The following ZDHHC3 variants were observed in gnomAD, a reference collection of about 807,000 sequenced individuals.
The protein encoded by ZDHHC3 is palmitoyltransferase ZDHHC3.
A neutral mutation model predicts 30.6 loss-of-function variants in ZDHHC3; 9 were observed. That is an observed-to-expected ratio of 0.29 (90% CI 0.18 to 0.51). The LOEUF is 0.51. Ranked by LOEUF, ZDHHC3 falls within the 20% of genes least tolerant of loss-of-function variation. The pLI is 0.97. For synonymous variants in ZDHHC3, 136 were observed against 140.2 expected (o/e 0.97, Z 0.21); for missense variants, 246 against 384.2 (o/e 0.64, Z 3.01).
intron 5 of ZDHHC3, 65 bp from the exon 6 acceptor site, chr3:44,929,501 C>A (rs1056609826): frequency 1.3e-6 from 2 of 1,588,106 alleles, no homozygotes; most frequent in African/African-American, 1.3e-5. Flanking sequence ...AGGCTCACTG[C>A]CCCACTAGGC....
In ZDHHC3 at chr3:44,960,008, C is replaced by T. The variant is rs531439970; in HGVS notation, c.-24-548G>A. 2.6e-5 allele frequency among the ~76,000 whole-genome samples: 4 copies of T among 152,326 alleles called. 1 individual carries two copies. Among genetic ancestry groups the T allele is most frequent in the African/African-American group, 4.8e-5 (2 of 41,568 alleles). Reference sequence around the variant, plus strand: ...AAACTCCTGAGCTCAAGTTATCTGCCCACCTCGGCCTCCCAAGGTGCTGGG... The same window carrying T: ...AAACTCCTGAGCTCAAGTTATCTGCTCACCTCGGCCTCCCAAGGTGCTGGG... On this transcript the variant is annotated intron_variant, in intron 1 of 6. Transcript: ENST00000424952.
At chr3:44,973,769 TATAA>T (rs1447675164) in intron 1 of ZDHHC3, among the ~76,000 whole-genome samples, 2 of 152,248 alleles carry the variant, frequency 1.3e-5, no homozygotes, top group African/African-American at 4.8e-5. Context: ...GGTTAATCTT[TATAA>T]AGTGCTTAGA....
chr3:44,926,893 G>C (rs1218515827), intron 6 of ZDHHC3, 46 bp from the exon 7 acceptor site: 3 of 1,543,762 alleles, frequency 1.9e-6, no homozygotes, highest in Middle Eastern at 1.8e-4. Context: ...CTGCATTGCT[G>C]TGGTTTCTGG....
Position 44,924,523 on chromosome 3 carries a change from G to A in ZDHHC3, c.*2166C>T. ...CCACTCTATTGGAAAGATAAGCATA[G>A]TATGCACAGCTTTAAAGGAGGAGTT... is the stretch of plus-strand genomic sequence containing the variant. On this transcript the variant is annotated 3_prime_UTR_variant, in exon 7 of 7. Transcript: ENST00000424952. The A allele has an allele frequency of 2.0e-6, 2 of 985,394 alleles. No individual in the cohort carries two copies. The highest frequency in any genetic ancestry group is 2.4e-6 in the Non-Finnish European group (2 of 829,916). The allele number at this position is 985,394 out of a possible 1,614,324, so 61.0% of individuals were successfully genotyped here.
At chr3:44,969,525 A>G (rs1325173043) in intron 1 of ZDHHC3, 1 of 152,244 alleles carries the variant, frequency 6.6e-6, no homozygotes, top group Non-Finnish European at 1.5e-5. Flanking sequence ...ACTACTTACT[A>G]CAATAATTAA....
chr3:44,967,175 G>A (rs780516066), intron 1 of ZDHHC3, among the ~76,000 whole-genome samples: 1 of 152,118 alleles, frequency 6.6e-6, no homozygotes, highest in Non-Finnish European at 1.5e-5. Context: ...GGAAGTGGTC[G>A]GTAAACCGAA....
rs1204659867 is a variant in ZDHHC3, at chr3:44,921,936, C to T, written c.*4753G>A. On this transcript the variant is annotated 3_prime_UTR_variant, in exon 7 of 7. Transcript: ENST00000424952. ...GCTTTTAGCGAACGTCCCTCTGCAG[C>T]GCTTGTCCTCACTCCTTGGATCAGC... 7 of 985,430 alleles carry T rather than the reference C, an allele frequency of 7.1e-6. No homozygotes were observed. Among genetic ancestry groups the T allele is most frequent in the Non-Finnish European group, 8.4e-6 (7 of 829,930 alleles). The allele number at this position is 985,430 out of a possible 1,614,324, so 61.0% of individuals were successfully genotyped here.
At chr3:44,940,672 C>T (rs1009646346) in intron 3 of ZDHHC3, among the ~76,000 whole-genome samples, 1 of 152,204 alleles carries the variant, frequency 6.6e-6, no homozygotes, top group South Asian at 2.1e-4. Flanking sequence ...TAGAAGAAGG[C>T]AGATGCTTCC....
intron 3 of ZDHHC3, 101 bp downstream of exon 3, chr3:44,945,067 C>T (rs1403536526): frequency 2.6e-6 from 4 of 1,550,968 alleles, no homozygotes; most frequent in African/African-American, 2.7e-5. Flanking sequence ...GACTTGGCCC[C>T]TGTTGGGGAA....
chr3:44,971,624 T>C (rs1351750335), intron 1 of ZDHHC3, among the ~76,000 whole-genome samples: 1 of 152,224 alleles, frequency 6.6e-6, no homozygotes, highest in Non-Finnish European at 1.5e-5. Context: ...TAAATATTTC[T>C]ACATTTGGTA....
rs1700987034 is a variant in ZDHHC3, at chr3:44,926,331, C to T, written c.*358G>A. ...CCCCCACCAGGTGTCCAGACTATTCCATCCACGCACAGCGTCATGTCTCAC... is the reference window on the plus strand; with the variant it reads ...CCCCCACCAGGTGTCCAGACTATTCTATCCACGCACAGCGTCATGTCTCAC... On this transcript the variant is annotated 3_prime_UTR_variant, in exon 7 of 7. Coordinates refer to ENST00000424952, the MANE Select transcript of ZDHHC3 (RefSeq NM_001135179.2). 4 of 1,001,386 alleles carry T rather than the reference C, an allele frequency of 4.0e-6. No individual in the cohort carries two copies. The highest frequency in any genetic ancestry group is 4.8e-6 in the Non-Finnish European group (4 of 840,960). 62.0% of individuals were successfully genotyped at this position (1,001,386 alleles called of 1,614,324 possible).
In ZDHHC3 at chr3:44,924,590, C is replaced by A; in HGVS notation, c.*2099G>T. On this transcript the variant is annotated 3_prime_UTR_variant, in exon 7 of 7. Coordinates refer to ENST00000424952, the MANE Select transcript of ZDHHC3 (RefSeq NM_001135179.2). ...AAAAAAAGTCAGTGCATCTTCAGCA[C>A]TATCTACTGCATTCCTGAGAAATGC... The A allele has an allele frequency of 2.0e-6, 2 of 985,418 alleles. No homozygotes were observed. The highest frequency in any genetic ancestry group is 2.3e-4 in the East Asian group (2 of 8,810). 61.0% of individuals were successfully genotyped at this position (985,418 alleles called of 1,614,324 possible).
At chr3:44,934,075 T>C in intron 3 of ZDHHC3, 91 bp from the exon 4 acceptor site, 1 of 1,248,898 alleles carries the variant, frequency 8.0e-7, no homozygotes, top group South Asian at 1.2e-5. Context: ...CCTGCTCCAC[T>C]CCTCTGAAAT....
At position 44,945,262 on chromosome 3, in the gene ZDHHC3, C is replaced by T; in HGVS notation, c.337G>A (p.Glu113Lys). 5 of 1,614,204 alleles carry T rather than the reference C, an allele frequency of 3.1e-6. No individual in the cohort carries two copies. Among genetic ancestry groups the T allele is most frequent in the Non-Finnish European group, 4.2e-6 (5 of 1,180,042 alleles). The change falls in exon 3 of 7, where the codon GAA (glutamate) becomes AAA (lysine). Residue 113 changes from glutamate (E) to lysine (K), a missense_variant. Coordinates refer to ENST00000424952, the MANE Select transcript of ZDHHC3 (RefSeq NM_001135179.2). ...GAVPKGNATK[E>K]FIESLQLKPG... ...TTCAACTGTAAACTCTCGATGAATTCTTTAGTGGCATTTCCTTTGGGCACT... is the reference window on the plus strand; with the variant it reads ...TTCAACTGTAAACTCTCGATGAATTTTTTAGTGGCATTTCCTTTGGGCACT...
chr3:44,933,031 C>T, intron 5 of ZDHHC3, 87 bp downstream of exon 5: 1 of 1,613,518 alleles, frequency 6.2e-7, no homozygotes, highest in Non-Finnish European at 8.5e-7. Flanking sequence ...CCCCTGGCAC[C>T]ATGAAGGAAA....
intron 5 of ZDHHC3, among the ~76,000 whole-genome samples, chr3:44,930,429 C>A (rs1479989887): frequency 6.6e-6 from 1 of 152,198 alleles, no homozygotes; most frequent in Non-Finnish European, 1.5e-5. Context: ...GACTTCTGTG[C>A]CTCAGTGCAG....
intron 3 of ZDHHC3, among the ~76,000 whole-genome samples, chr3:44,944,133 C>T (rs1383865585): frequency 6.6e-6 from 1 of 152,080 alleles, no homozygotes; most frequent in Admixed American, 6.5e-5. Flanking sequence ...TGTGCCACCA[C>T]ACCCAGCTAA....
chr3:44,921,097 C>A lies in ZDHHC3; in HGVS notation c.*5592G>T. 1 of 985,422 alleles carries A rather than the reference C, an allele frequency of 1.0e-6. No individual in the cohort carries two copies. The highest frequency in any genetic ancestry group is 4.7e-5 in the South Asian group (1 of 21,290). 61.0% of individuals were successfully genotyped at this position (985,422 alleles called of 1,614,324 possible). ...TGATGCCTGGTAAGGGGGTCATAGT[C>A]GACACCAGAAGCTCTTGCAGGGTGT... On this transcript the variant is annotated 3_prime_UTR_variant, in exon 7 of 7. Coordinates refer to ENST00000424952, the MANE Select transcript of ZDHHC3 (RefSeq NM_001135179.2).
chr3:44,918,189 C>A lies in ZDHHC3; in HGVS notation c.*8500G>T. 1 of 1,274,198 alleles carries A rather than the reference C, an allele frequency of 7.8e-7. No individual in the cohort carries two copies. Among genetic ancestry groups the A allele is most frequent in the Admixed American group, 2.4e-5 (1 of 41,894 alleles). 78.9% of individuals were successfully genotyped at this position (1,274,198 alleles called of 1,614,324 possible). On this transcript the variant is annotated 3_prime_UTR_variant, in exon 7 of 7. Coordinates refer to ENST00000424952, the MANE Select transcript of ZDHHC3 (RefSeq NM_001135179.2). ...AGAACATCGTCAGCGTGGTGCTGGG[C>A]TGTACAGCTCACATAGACACCCCCA...
Sources: allele counts gnomAD v4.1 joint callset (sites outside exome capture counted in the v4.1 genomes callset), GRCh38; gene constraint gnomAD v4.1.1; transcripts MANE v1.5; gene names NCBI Gene and HGNC (gene_info 2026-07-23, HGNC 2026-07-21).